The following JMJD1C variants were observed in gnomAD, a reference collection of about 807,000 sequenced individuals.
JMJD1C encodes jumonji domain-containing protein 1C.
In JMJD1C, 31 loss-of-function variants were observed where a neutral mutation model predicts 245.3. The observed-to-expected ratio is 0.13, with a 90% confidence interval of 0.09 to 0.17. JMJD1C has a LOEUF of 0.17. JMJD1C is among the 10% of genes least tolerant of loss of function. The pLI is 1.00. For synonymous variants in JMJD1C, 1,057 were observed against 1,017.4 expected, an observed-to-expected ratio of 1.04 and a Z score of -0.74; for missense variants, 2,691 against 3,000.2, an observed-to-expected ratio of 0.90 and a Z score of 2.41.
chr10:63,453,726 AAT>A (rs1952219358), intron 1 of JMJD1C, among the ~76,000 whole-genome samples: 1 of 152,098 alleles, frequency 6.6e-6, no homozygotes, highest in East Asian at 1.9e-4. Flanking sequence ...GTGAAAAAGC[AAT>A]AGTTTTTTTT....
chr10:63,414,005 G>A (rs1305613583), intron 1 of JMJD1C, among the ~76,000 whole-genome samples: 1 of 59,926 alleles, frequency 1.7e-5, no homozygotes, highest in Non-Finnish European at 3.1e-5. Context: ...TTTTTTTTTT[G>A]ACACGGAGTC....
rs141637545 is a variant in JMJD1C, at chr10:63,498,548, A to G, written n.113+23190T>C. ...TGTCATCACTTTAAATATCATTACT[A>G]TATAGCAAGGCCCTCAGGAGTTAAT... On this transcript the variant is annotated intron_variant and non_coding_transcript_variant, in intron 1 of 3. Coordinates refer to the JMJD1C transcript ENST00000633035. Among the ~76,000 whole-genome samples the G allele has an allele frequency of 3.9e-3, 601 of 152,268 alleles. 1 individual carries two copies. Among genetic ancestry groups the G allele is most frequent in the African/African-American group, 0.011 (455 of 41,540 alleles).
chr10:63,494,023 T>C (rs576984491), intron 1 of JMJD1C, among the ~76,000 whole-genome samples: 2 of 152,234 alleles, frequency 1.3e-5, no homozygotes, highest in South Asian at 2.1e-4. Flanking sequence ...TTTTCAAAGT[T>C]TGGAAAGTTG....
intron 1 of JMJD1C, among the ~76,000 whole-genome samples, chr10:63,515,703 T>A (rs1436113554): frequency 1.3e-5 from 2 of 152,246 alleles, no homozygotes; most frequent in African/African-American, 4.8e-5. Flanking sequence ...TATTCTTCAT[T>A]TTGTTCAGTT....
At chr10:63,424,850 G>A (rs1177369577) in intron 1 of JMJD1C, among the ~76,000 whole-genome samples, 4 of 151,974 alleles carry the variant, frequency 2.6e-5, no homozygotes, top group Admixed American at 2.0e-4. Context: ...GGTATTATAA[G>A]ACCACATTCA....
intron 1 of JMJD1C, among the ~76,000 whole-genome samples, chr10:63,383,388 A>G (rs981122083): frequency 3.9e-5 from 6 of 152,188 alleles, no homozygotes; most frequent in Non-Finnish European, 7.4e-5. Flanking sequence ...AGAAGCCAAC[A>G]AAACAGCTGG....
At chr10:63,492,852 A>G (rs1954219607) in intron 1 of JMJD1C, among the ~76,000 whole-genome samples, 1 of 152,212 alleles carries the variant, frequency 6.6e-6, no homozygotes, top group Admixed American at 6.5e-5. Context: ...AACTGAACAT[A>G]ATTCAGACAA....
chr10:63,303,193 A>T (rs1423197989), intron 2 of JMJD1C, among the ~76,000 whole-genome samples: 1 of 152,248 alleles, frequency 6.6e-6, no homozygotes, highest in Non-Finnish European at 1.5e-5. Flanking sequence ...CTTTGCATCT[A>T]AGATCTTTCA....
At chr10:63,510,901 T>C (rs548604658) in intron 1 of JMJD1C, among the ~76,000 whole-genome samples, 20 of 152,366 alleles carry the variant, frequency 1.3e-4, no homozygotes, top group Non-Finnish European at 2.5e-4. Context: ...TAAGAATTGT[T>C]GTATCTTCTT....
chr10:63,208,244 G>C lies in JMJD1C; in HGVS notation c.3425C>G (p.Ser1142Cys). The C allele has an allele frequency of 6.2e-7, 1 of 1,613,970 alleles. No homozygotes were observed. Among genetic ancestry groups the C allele is most frequent in the South Asian group, 1.1e-5 (1 of 91,066 alleles). Residue 1142 changes from serine to cysteine, a missense_variant, in exon 10 of 26, where the codon TCT becomes TGT. Physicochemically the swap from Ser to Cys is moderately radical, Grantham distance 112. Transcript: ENST00000399262. ...NPQTLTSFIT[S>C]LSKPPPLIKH... ...AATCAAAGGTGGAGGCTTTGAAAGA[G>C]ATGTTATAAATGAAGTCAGAGTTTG...
At chr10:63,380,033 G>A (rs1947080872) in intron 2 of JMJD1C, among the ~76,000 whole-genome samples, 1 of 149,530 alleles carries the variant, frequency 6.7e-6, no homozygotes, top group African/African-American at 2.5e-5. Flanking sequence ...TTGGATTCTT[G>A]GGCTCACGTG....
intron 2 of JMJD1C, among the ~76,000 whole-genome samples, chr10:63,350,012 C>T (rs1944210893): frequency 2.0e-5 from 3 of 152,196 alleles, no homozygotes; most frequent in Admixed American, 1.3e-4. Flanking sequence ...TTCTATATGA[C>T]AAGCATCCTA....
chr10:63,298,077 G>A (rs1347194737), intron 2 of JMJD1C, among the ~76,000 whole-genome samples: 1 of 152,186 alleles, frequency 6.6e-6, no homozygotes, highest in Non-Finnish European at 1.5e-5. Flanking sequence ...CCAGACCTGT[G>A]CTGGTGACTG....
intron 2 of JMJD1C, among the ~76,000 whole-genome samples, chr10:63,323,396 T>C (rs1941134659): frequency 6.7e-6 from 1 of 150,252 alleles, no homozygotes; most frequent in Non-Finnish European, 1.5e-5. Context: ...GGCACGCACC[T>C]GGAATCCCAG....
chr10:63,248,933 T>A lies in JMJD1C; in HGVS notation c.447+15718A>T, dbSNP rs113008817. ...AACTTGTTATGTGCCACAACATGGA[T>A]GGAAGTGGAGGTTATTACGTTAAAT... On this transcript the variant is annotated intron_variant, in intron 3 of 25. Transcript: ENST00000399262. Among the ~76,000 whole-genome samples the A allele has an allele frequency of 9.0e-3, 1,376 of 152,198 alleles. 12 individuals are homozygous for A. The highest frequency in any genetic ancestry group is 0.014 in the Non-Finnish European group (972 of 68,004).
intron 1 of JMJD1C, among the ~76,000 whole-genome samples, chr10:63,406,481 G>T (rs1435304852): frequency 2.6e-5 from 4 of 151,976 alleles, no homozygotes; most frequent in Non-Finnish European, 5.9e-5. Context: ...AAGTCCAGAA[G>T]TTTTTATTTG....
intron 3 of JMJD1C, among the ~76,000 whole-genome samples, chr10:63,225,006 G>A (rs984666838): frequency 2.6e-5 from 4 of 151,628 alleles, no homozygotes; most frequent in African/African-American, 4.9e-5. Context: ...AGGTTGCAGT[G>A]AGCCGAGATT....
chr10:63,345,784 A>C (rs1482819108), intron 2 of JMJD1C, among the ~76,000 whole-genome samples: 1 of 152,206 alleles, frequency 6.6e-6, no homozygotes. Flanking sequence ...AAAATTGTAC[A>C]TGGTAAAATA....
chr10:63,182,956 G>A lies in JMJD1C; in HGVS notation c.7084+491C>T, dbSNP rs1305692797. Among the ~76,000 whole-genome samples, 4 of 152,078 alleles carry A rather than the reference G, an allele frequency of 2.6e-5. No homozygotes were observed. In the East Asian group the frequency reaches 7.7e-4, roughly 29 times the overall value. ...GGCTCACCGCAACCTCCGCCTCCTG[G>A]GTTCAAGCGATTCTCCTGCCTCAGC... On this transcript the variant is annotated intron_variant, in intron 22 of 25. Coordinates refer to ENST00000399262, the MANE Select transcript of JMJD1C (RefSeq NM_032776.3).
Sources: allele counts gnomAD v4.1 joint callset (sites outside exome capture counted in the v4.1 genomes callset), GRCh38; gene constraint gnomAD v4.1.1; transcripts MANE v1.5; gene names NCBI Gene and HGNC (gene_info 2026-07-23, HGNC 2026-07-21).